The following IL15RA variants were observed in gnomAD, a reference collection of about 807,000 sequenced individuals.
IL15RA encodes the protein interleukin 15 receptor subunit alpha.
Under a neutral mutation model 24.2 loss-of-function variants are expected in IL15RA, and 26 were observed. The observed-to-expected ratio is 1.07, with a 90% CI of 0.79 to 1.49. The LOEUF (loss-of-function observed/expected upper bound fraction) is 1.49, where lower values mean the gene tolerates loss of function less well. Ranked by LOEUF, IL15RA falls within the 40% of genes most tolerant of loss-of-function variation. The pLI is 0.00. For missense variants in IL15RA, 354 were observed against 356.4 expected, an observed-to-expected ratio of 0.99 and a Z score of 0.05; for synonymous variants, 166 against 157.6, an observed-to-expected ratio of 1.05 and a Z score of -0.40.
At chr10:5,950,079 G>C (rs1184460419), downstream of IL15RA, among the ~76,000 whole-genome samples, 1 of 145,426 alleles carries the variant, frequency 6.9e-6, no homozygotes, top group Non-Finnish European at 1.5e-5. The surrounding 1 kb of genome is among the most constrained non-coding windows in gnomAD (Gnocchi z 5.6). Context: ...CTGGACAGCA[G>C]AGCAAGACTC....
chr10:5,968,143 G>A lies in IL15RA; in HGVS notation c.89-1804C>T, dbSNP rs909217923. Among the ~76,000 whole-genome samples the A allele has an allele frequency of 2.6e-5, 4 of 152,130 alleles. No individual in the cohort carries two copies. Among genetic ancestry groups the A allele is most frequent in the African/African-American group, 7.2e-5 (3 of 41,400 alleles). ...AAATGCCAAAGTGTTAAGAACCTTAGCACGGAGAGAATTCTTATAAAAATC... is the reference window on the plus strand; with the variant it reads ...AAATGCCAAAGTGTTAAGAACCTTAACACGGAGAGAATTCTTATAAAAATC... On this transcript the variant is annotated intron_variant, in intron 1 of 6. Transcript: ENST00000379977. The surrounding 1 kb of genome is among the most constrained non-coding windows in gnomAD (Gnocchi z 5.4).
At chr10:5,950,383 C>T (rs894766360), downstream of IL15RA, among the ~76,000 whole-genome samples, 1 of 152,154 alleles carries the variant, frequency 6.6e-6, no homozygotes, top group Non-Finnish European at 1.5e-5. This position sits in a 1 kb window ranked among gnomAD's most constrained non-coding sequence, Gnocchi z 5.6. Flanking sequence ...CTTCAGAGTT[C>T]TGTGTACTCT....
rs1836907239 is a variant in IL15RA, at chr10:5,968,089, A to C, written c.89-1750T>G. Among the ~76,000 whole-genome samples the C allele has an allele frequency of 6.6e-6, 1 of 152,122 alleles. No individual in the cohort carries two copies. Among genetic ancestry groups the C allele is most frequent in the Non-Finnish European group, 1.5e-5 (1 of 68,020 alleles). On this transcript the variant is annotated intron_variant, in intron 1 of 6. Coordinates refer to ENST00000379977, the MANE Select transcript of IL15RA (RefSeq NM_002189.4). The surrounding 1 kb of genome is among the most constrained non-coding windows in gnomAD (Gnocchi z 5.4). ...AACAGAAAACCCCCCAAAAACCAAC[A>C]AACCAACCAAACAAAAAACATTAGC... is the stretch of plus-strand genomic sequence containing the variant.
chr10:5,977,516 C>A lies in IL15RA; in HGVS notation c.-24G>T. ...ATGGCGGCAGCTCCACAGGACACCG[C>A]TGGACTCCCCGGGCGAGCGCTGCCC... On this transcript the variant is annotated 5_prime_UTR_variant, in exon 1 of 7. Transcript: ENST00000379977. 7.5e-7 allele frequency: 1 copy of A among 1,326,206 alleles called. No individual in the cohort carries two copies. Among genetic ancestry groups the A allele is most frequent in the South Asian group, 2.0e-5 (1 of 51,120 alleles). The allele number at this position is 1,326,206 out of a possible 1,614,324, so 82.2% of individuals were successfully genotyped here.
rs758388356 is a variant in IL15RA at position 5,953,357 on chromosome 10, G to A, written c.693-151C>T. ...ACGGGAGTCAGACAGAGAGCACTTA[G>A]TCCTCAGAGATGGAGAGAACCTAGA... On this transcript the variant is annotated intron_variant, in intron 6 of 6. Coordinates refer to ENST00000379977, the MANE Select transcript of IL15RA (RefSeq NM_002189.4). The surrounding 1 kb of genome is among the most constrained non-coding windows in gnomAD (Gnocchi z 5.3). The A allele has an allele frequency of 1.4e-6, 1 of 721,174 alleles. No homozygotes were observed. The highest frequency in any genetic ancestry group is 2.6e-6 in the Non-Finnish European group (1 of 389,214). 44.7% of individuals were successfully genotyped at this position (721,174 alleles called of 1,614,324 possible). A position where few individuals can be genotyped will look rare whatever the true frequency, so the allele number is the denominator to read the frequency against.
Position 5,977,421 on chromosome 10 carries a change from C to T in IL15RA, c.72G>A (p.Arg24=). ...GCTCCCTACCCCGCGTCGCCGGCGG[C>T]CGGAGCAGCAGCAGCAGTAGCAGCG... ...LPALLLLLLL[R]PPATRGITCP... Residue 24 remains arginine (R), a synonymous_variant, in exon 1 of 7, where the codon CGG becomes CGA. Coordinates refer to ENST00000379977, the MANE Select transcript of IL15RA (RefSeq NM_002189.4). 1 of 1,346,658 alleles carries T rather than the reference C, an allele frequency of 7.4e-7. No homozygotes were observed. Among genetic ancestry groups the T allele is most frequent in the Non-Finnish European group, 9.5e-7 (1 of 1,052,048 alleles). The allele number at this position is 1,346,658 out of a possible 1,614,324, so 83.4% of individuals were successfully genotyped here. A position where few individuals can be genotyped will look rare whatever the true frequency, so the allele number is the denominator to read the frequency against.
In IL15RA at chr10:5,955,714, A is replaced by G. The variant is rs1834422340; in HGVS notation, c.692+665T>C. ...TTAGAAATACAAAATTAAGGCTAAC[A>G]TGAATCAGTATATTTATAAGAAGGC... On this transcript the variant is annotated intron_variant, in intron 6 of 6. Coordinates refer to ENST00000379977, the MANE Select transcript of IL15RA (RefSeq NM_002189.4). This position sits in a 1 kb window ranked among gnomAD's most constrained non-coding sequence, Gnocchi z 5.3. Among the ~76,000 whole-genome samples, 1 of 152,362 alleles carries G rather than the reference A, an allele frequency of 6.6e-6. No individual in the cohort carries two copies. The highest frequency in any genetic ancestry group is 6.5e-5 in the Admixed American group (1 of 15,300).
chr10:5,960,383 G>A lies in IL15RA; in HGVS notation c.567C>T (p.Ala189=). The A allele has an allele frequency of 6.2e-7, 1 of 1,614,086 alleles. No individual in the cohort carries two copies. Among genetic ancestry groups the A allele is most frequent in the Non-Finnish European group, 8.5e-7 (1 of 1,179,984 alleles). The change falls in exon 4 of 7, where the codon GCC becomes GCT. Residue 189 remains alanine, a synonymous_variant. Coordinates refer to ENST00000379977, the MANE Select transcript of IL15RA (RefSeq NM_002189.4). This position sits in a 1 kb window ranked among gnomAD's most constrained non-coding sequence, Gnocchi z 5.1. The part of the protein sequence containing the change: ...TAKNWELTAS[A]SHQPPGVYPQ... ...AGTGCTAACCTGGCGGCTGGTGGGA[G>A]GCGGATGCTGTGAGTTCCCAGTTCT...
At position 5,968,751 on chromosome 10, in the gene IL15RA, C is replaced by T. The variant is rs748425700; in HGVS notation, c.89-2412G>A. 1.4e-6 allele frequency: 1 copy of T among 702,548 alleles called. No homozygotes were observed. Among genetic ancestry groups the T allele is most frequent in the East Asian group, 2.7e-5 (1 of 37,288 alleles). 43.5% of individuals were successfully genotyped at this position (702,548 alleles called of 1,614,324 possible). A position where few individuals can be genotyped will look rare whatever the true frequency, so the allele number is the denominator to read the frequency against. On this transcript the variant is annotated intron_variant, in intron 1 of 6. Coordinates refer to ENST00000379977, the MANE Select transcript of IL15RA (RefSeq NM_002189.4). The surrounding 1 kb of genome is among the most constrained non-coding windows in gnomAD (Gnocchi z 5.4). ...TCCACACTTGCCCACCCCATCCTGC[C>T]CTCCATGATAGATGGCTGTGCTACC...
At chr10:5,951,219 T>C (rs922957116), downstream of IL15RA, among the ~76,000 whole-genome samples, 1 of 145,920 alleles carries the variant, frequency 6.9e-6, no homozygotes, top group Non-Finnish European at 1.5e-5. Context: ...TAGTCCCAGC[T>C]ACTCCAGAGG....
At position 5,977,206 on chromosome 10, in the gene IL15RA, C is replaced by T. The variant is rs914405070; in HGVS notation, c.88+199G>A. The T allele has an allele frequency of 3.3e-5, 12 of 358,306 alleles. No individual in the cohort carries two copies. In the East Asian group the frequency reaches 5.0e-4, roughly 15 times the overall value. The allele number at this position is 358,306 out of a possible 1,614,324, so 22.2% of individuals were successfully genotyped here. A position where few individuals can be genotyped will look rare whatever the true frequency, so the allele number is the denominator to read the frequency against. ...CCCGGGCGCAGCGGCGGCGCTCTCC[C>T]TGCGACCCCGGCTCCCGGCACGTGT... On this transcript the variant is annotated intron_variant, in intron 1 of 6. Coordinates refer to ENST00000379977, the MANE Select transcript of IL15RA (RefSeq NM_002189.4).
At chr10:5,949,795 G>T (rs560142410), downstream of IL15RA, among the ~76,000 whole-genome samples, 4 of 152,194 alleles carry the variant, frequency 2.6e-5, no homozygotes, top group South Asian at 6.2e-4. The surrounding 1 kb of genome is among the most constrained non-coding windows in gnomAD (Gnocchi z 4.4). Context: ...GTGGTGGGGG[G>T]AGTTAAGAGT....
rs1424798730 is a variant in IL15RA, at chr10:5,958,638, C to T, written c.616+1116G>A. On this transcript the variant is annotated intron_variant, in intron 5 of 6. Transcript: ENST00000379977. This position sits in a 1 kb window ranked among gnomAD's most constrained non-coding sequence, Gnocchi z 4.3. ...CTGGCCTCCAGTGATCAGCCCCCCT[C>T]GGCCTCCCAAACTGCTGGGATTATA... Among the ~76,000 whole-genome samples the T allele has an allele frequency of 2.6e-5, 4 of 152,268 alleles. No individual in the cohort carries two copies. The East Asian group carries it at 7.7e-4, about 29-fold the overall frequency.
In IL15RA at chr10:5,952,672, C is replaced by T. The variant is rs975081938; in HGVS notation, c.*423G>A. ...TCTTCCCTGTAGACGTCTCCCACGC[C>T]AGGAGAAGCCTTGTAATTGACAGAG... On this transcript the variant is annotated 3_prime_UTR_variant, in exon 7 of 7. Transcript: ENST00000379977. The T allele has an allele frequency of 6.0e-5, 12 of 199,032 alleles. No homozygotes were observed. Among genetic ancestry groups the T allele is most frequent in the Non-Finnish European group, 1.0e-4 (10 of 96,416 alleles). 12.3% of individuals were successfully genotyped at this position (199,032 alleles called of 1,614,324 possible).
At position 5,977,469 on chromosome 10, in the gene IL15RA, G is replaced by T; in HGVS notation, c.24C>A (p.Gly8=). 7.4e-7 allele frequency: 1 copy of T among 1,359,482 alleles called. No individual in the cohort carries two copies. The highest frequency in any genetic ancestry group is 9.5e-7 in the Non-Finnish European group (1 of 1,058,182). The allele number at this position is 1,359,482 out of a possible 1,614,324, so 84.2% of individuals were successfully genotyped here. A position where few individuals can be genotyped will look rare whatever the true frequency, so the allele number is the denominator to read the frequency against. Residue 8 remains glycine (G), a synonymous_variant, in exon 1 of 7, where the codon GGC becomes GGA. Transcript: ENST00000379977. MAPRRAR[G]CRTLGLPALL... is the part of the protein sequence containing the mutation. ...GCGCCGGGAGACCGAGGGTCCGGCA[G>T]CCGCGCGCCCGCCGCGGGGCCATGG...
At chr10:5,956,957 ATTT>A (rs767909938) in intron 5 of IL15RA, among the ~76,000 whole-genome samples, 27 of 127,638 alleles carry the variant, frequency 2.1e-4, no homozygotes, top group African/African-American at 4.3e-4. Flanking sequence ...TTCACTTGCA[ATTT>A]TTTTTTTTTT....
downstream of IL15RA, chr10:5,949,094 G>A (rs761492051): frequency 3.2e-5 from 12 of 377,408 alleles, no homozygotes; most frequent in South Asian, 2.2e-4. This position sits in a 1 kb window ranked among gnomAD's most constrained non-coding sequence, Gnocchi z 4.4. Flanking sequence ...CACCTTTTCC[G>A]GCTCCCTGTC....
Position 5,959,186 on chromosome 10 carries a change from A to G in IL15RA, c.616+568T>C, listed in dbSNP as rs1449031764. 8.7e-6 allele frequency among the ~76,000 whole-genome samples: 1 copy of G among 115,182 alleles called. No homozygotes were observed. The highest frequency in any genetic ancestry group is 1.9e-5 in the Non-Finnish European group (1 of 54,050). 75.6% of individuals were successfully genotyped at this position (115,182 alleles called of 152,430 possible). ...TTTCTTTTTCTTTTTTTTTTTTTTT[A>G]ATAGAGATGGGGTCTTGCTATGTTG... On this transcript the variant is annotated intron_variant, in intron 5 of 6. Transcript: ENST00000379977. The surrounding 1 kb of genome is among the most constrained non-coding windows in gnomAD (Gnocchi z 4.1).
chr10:5,971,778 A>G lies in IL15RA; in HGVS notation c.89-5439T>C, dbSNP rs1158257990. Reference sequence around the variant, plus strand: ...ACACACTTCCTTTTGGAGTTCCCAAAAAGTACAGACTGTCTCCAGCTCACT... The same window carrying G: ...ACACACTTCCTTTTGGAGTTCCCAAGAAGTACAGACTGTCTCCAGCTCACT... On this transcript the variant is annotated intron_variant, in intron 1 of 6. Coordinates refer to ENST00000379977, the MANE Select transcript of IL15RA (RefSeq NM_002189.4). This position sits in a 1 kb window ranked among gnomAD's most constrained non-coding sequence, Gnocchi z 5.5. 6.6e-6 allele frequency among the ~76,000 whole-genome samples: 1 copy of G among 152,174 alleles called. No individual in the cohort carries two copies. Among genetic ancestry groups the G allele is most frequent in the Non-Finnish European group, 1.5e-5 (1 of 68,042 alleles).
Sources: gnomAD v4.1 joint callset for allele counts (sites outside exome capture counted in the v4.1 genomes callset) on GRCh38, gnomAD v4.1.1 for gene constraint, Gnocchi (gnomAD v3.1) non-coding constraint, MANE v1.5 for transcripts, NCBI Gene and HGNC (gene_info 2026-07-23, HGNC 2026-07-21) for gene names.